BAIAP2L2: variants seen among roughly 807,000 people sequenced by gnomAD.
The protein encoded by BAIAP2L2 is BAR/IMD domain containing adaptor protein 2 like 2, also known as BAR/IMD domain-containing adapter protein 2-like 2.
A neutral mutation model predicts 60.4 loss-of-function variants in BAIAP2L2; 65 were observed. The observed-to-expected ratio is 1.08, with a 90% confidence interval of 0.88 to 1.32. BAIAP2L2 has a LOEUF of 1.32. Ranked by LOEUF, BAIAP2L2 falls within the 40% of genes most tolerant of loss-of-function variation. The pLI, the probability that BAIAP2L2 is intolerant of heterozygous loss-of-function variation, is 0.00. For synonymous variants in BAIAP2L2, 344 were observed against 301.7 expected (o/e 1.14, Z -1.45); for missense variants, 836 against 741.2 (o/e 1.13, Z -1.48).
chr22:38,087,148 T>TTCATGGGTG lies in BAIAP2L2; in HGVS notation c.1226_1234dup (p.Thr409_Met411dup), dbSNP rs132924. 0.34 allele frequency: 540,642 copies of TTCATGGGTG among 1,591,078 alleles called. 93,924 individuals carry two copies. The highest frequency in any genetic ancestry group is 0.37 in the Middle Eastern group (2,203 of 5,984). On this transcript the variant is annotated inframe_insertion, in exon 11 of 14. Coordinates refer to ENST00000381669, the MANE Select transcript of BAIAP2L2 (RefSeq NM_025045.6). Reference sequence around the variant, plus strand: ...CCTGGAAGGCAGCTCGTTCCCGGGGTTCATGGGTGTCATGGGGGACATGGA... The same window carrying TTCATGGGTG: ...CCTGGAAGGCAGCTCGTTCCCGGGGTTCATGGGTGTCATGGGTGTCATGGGGGACATGGA...
chr22:38,103,766 G>A (rs2086609794), intron 4 of BAIAP2L2, among the ~76,000 whole-genome samples: 1 of 152,054 alleles, frequency 6.6e-6, no homozygotes, highest in Non-Finnish European at 1.5e-5. Flanking sequence ...GGGAGGCTGA[G>A]GCTGGAGAAT....
At chr22:38,101,672 A>G (rs1190501062) in intron 4 of BAIAP2L2, among the ~76,000 whole-genome samples, 1 of 151,860 alleles carries the variant, frequency 6.6e-6, no homozygotes, top group African/African-American at 2.4e-5. Flanking sequence ...TGGCCAACAT[A>G]GTGAAACCCC....
chr22:38,096,226 A>G (rs2086423479), intron 7 of BAIAP2L2, among the ~76,000 whole-genome samples: 1 of 152,278 alleles, frequency 6.6e-6, no homozygotes, highest in Admixed American at 6.5e-5. Flanking sequence ...AAGGTAGAAT[A>G]GTTATAGCCA....
At chr22:38,086,139 A>G (rs1158599911) in intron 12 of BAIAP2L2, 103 bp downstream of exon 12, 13 of 1,266,676 alleles carry the variant, frequency 1.0e-5, no homozygotes, top group Non-Finnish European at 1.1e-6. Context: ...GAGGCCAGGT[A>G]GGCGGGTCCC....
In BAIAP2L2 at chr22:38,088,754, G is replaced by A. The variant is rs771221773; in HGVS notation, c.1112C>T (p.Ser371Leu). Residue 371 changes from serine (S) to leucine (L), a missense_variant, in exon 10 of 14, where the codon TCG becomes TTG. Transcript: ENST00000381669. Reference sequence around the variant, plus strand: ...CTCCAAGGCTCCCACTCACGCGGACGAGCCCTCCAGCTTGCCGTAGAGCCA... The same window carrying A: ...CTCCAAGGCTCCCACTCACGCGGACAAGCCCTCCAGCTTGCCGTAGAGCCA... ...NGWLYGKLEG[S>L]SASGWFPEAY... is the part of the protein sequence containing the mutation. 11 of 1,595,644 alleles carry A rather than the reference G, an allele frequency of 6.9e-6. No individual in the cohort carries two copies. Among genetic ancestry groups the A allele is most frequent in the African/African-American group, 6.7e-5 (5 of 74,390 alleles).
At chr22:38,101,439 T>C (rs1282748810) in intron 4 of BAIAP2L2, among the ~76,000 whole-genome samples, 9 of 136,426 alleles carry the variant, frequency 6.6e-5, no homozygotes, top group Non-Finnish European at 1.1e-4. Flanking sequence ...CCTAGCTACT[T>C]GGGAGGCTGA....
rs541067439 is a variant in BAIAP2L2 at position 38,092,536 on chromosome 22, C to G, written c.613-2862G>C. On this transcript the variant is annotated intron_variant, in intron 7 of 13. Coordinates refer to ENST00000381669, the MANE Select transcript of BAIAP2L2 (RefSeq NM_025045.6). ...AGGTGATCCACCCACCTCGACCTCC[C>G]AAAGTGCTGGGATTACAGACATGAG... 1.0e-3 allele frequency among the ~76,000 whole-genome samples: 158 copies of G among 152,274 alleles called. 1 individual carries two copies. The highest frequency in any genetic ancestry group is 3.5e-3 in the African/African-American group (144 of 41,552).
In BAIAP2L2 at chr22:38,100,621, C is replaced by T. The variant is rs375285437; in HGVS notation, c.277-2139G>A. Among the ~76,000 whole-genome samples the T allele has an allele frequency of 4.3e-4, 66 of 152,280 alleles. 1 individual carries two copies. Among genetic ancestry groups the T allele is most frequent in the African/African-American group, 1.6e-3 (65 of 41,554 alleles). ...TCTCTCTTGCTGTCTTGCCATGTGA[C>T]GCACCTGTTACCCCTTCACCTTCCG... is the stretch of plus-strand genomic sequence containing the variant. On this transcript the variant is annotated intron_variant, in intron 4 of 13. Transcript: ENST00000381669.
chr22:38,101,371 TAA>T (rs529893934), intron 4 of BAIAP2L2, among the ~76,000 whole-genome samples: 1 of 80,756 alleles, frequency 1.2e-5, no homozygotes, highest in Admixed American at 1.4e-4. Context: ...TGTCTCTACA[TAA>T]AAAAAAAAAA....
intron 4 of BAIAP2L2, among the ~76,000 whole-genome samples, chr22:38,101,371 TAAAAAAAAA>T (rs529893934): frequency 5.0e-5 from 4 of 80,742 alleles, no homozygotes; most frequent in Non-Finnish European, 9.2e-5. Flanking sequence ...TGTCTCTACA[TAAAAAAAAA>T]AAAAAAAAAA....
At chr22:38,102,013 G>A (rs1475040723) in intron 4 of BAIAP2L2, among the ~76,000 whole-genome samples, 2 of 152,310 alleles carry the variant, frequency 1.3e-5, no homozygotes, top group South Asian at 2.1e-4. Flanking sequence ...GCATCCATGT[G>A]GATGGAGCAG....
intron 3 of BAIAP2L2, 40 bp from the exon 4 acceptor site, chr22:38,107,953 G>C (rs767743268): frequency 1.3e-6 from 2 of 1,597,024 alleles, no homozygotes; most frequent in South Asian, 1.1e-5. Context: ...GTGTGTGGCA[G>C]CCTGCCCCGC....
intron 10 of BAIAP2L2, 24 bp downstream of exon 10, chr22:38,088,723 CG>C (rs1268560014): frequency 6.5e-7 from 1 of 1,544,442 alleles, no homozygotes; most frequent in Non-Finnish European, 8.8e-7. Context: ...AACCCACCCC[CG>C]GCCCCTCCAA....
chr22:38,089,431 G>A (rs2145950762), intron 8 of BAIAP2L2, 91 bp downstream of exon 8: 4 of 697,300 alleles, frequency 5.7e-6, no homozygotes, highest in African/African-American at 1.9e-5. Flanking sequence ...AGCCTGGGGG[G>A]CAGGAGGCTC....
intron 13 of BAIAP2L2, 87 bp downstream of exon 13, chr22:38,085,599 C>T (rs1024101402): frequency 6.8e-7 from 1 of 1,475,422 alleles, no homozygotes; most frequent in East Asian, 2.3e-5. Flanking sequence ...TCCTCCTGCC[C>T]CAGTCTCCCT....
intron 13 of BAIAP2L2, 142 bp downstream of exon 13, chr22:38,085,544 T>A (rs1165145243): frequency 7.8e-7 from 1 of 1,276,534 alleles, no homozygotes; most frequent in Non-Finnish European, 1.1e-6. Context: ...AGATAGGGTC[T>A]CACAGTGTTG....
intron 4 of BAIAP2L2, among the ~76,000 whole-genome samples, chr22:38,101,371 TAAAAA>T (rs529893934): frequency 1.1e-3 from 91 of 80,712 alleles, no homozygotes; most frequent in African/African-American, 4.9e-3. Flanking sequence ...TGTCTCTACA[TAAAAA>T]AAAAAAAAAA....
chr22:38,109,952 C>A (rs1318615592), intron 1 of BAIAP2L2, among the ~76,000 whole-genome samples: 1 of 148,356 alleles, frequency 6.7e-6, no homozygotes, highest in Non-Finnish European at 1.5e-5. Context: ...ACACAGGAGG[C>A]GCTCAATAAA....
At chr22:38,108,118 G>T in intron 3 of BAIAP2L2, 137 bp downstream of exon 3, 1 of 984,702 alleles carries the variant, frequency 1.0e-6, no homozygotes, top group Non-Finnish European at 1.5e-6. Flanking sequence ...GTGGCGGGGA[G>T]CCTGGGCCCC....
Sources: gnomAD v4.1 joint callset for allele counts (sites outside exome capture counted in the v4.1 genomes callset) on GRCh38, gnomAD v4.1.1 for gene constraint, MANE v1.5 for transcripts, NCBI Gene and HGNC (gene_info 2026-07-23, HGNC 2026-07-21) for gene names.